Variants in PLOD1 observed in about 807,000 individuals in gnomAD.
PLOD1 encodes the protein lysine hydroxylase.
A neutral mutation model predicts 94.7 loss-of-function variants in PLOD1; 70 were observed. That is an observed-to-expected ratio of 0.74 (90% CI 0.61 to 0.90). PLOD1 has a LOEUF of 0.90. PLOD1 is among the 40% of genes least tolerant of loss of function. The pLI, the probability that PLOD1 is intolerant of heterozygous loss-of-function variation, is 0.00. For synonymous variants in PLOD1, 417 were observed against 400.2 expected (o/e 1.04, Z -0.50); for missense variants, 905 against 972.7 (o/e 0.93, Z 0.93).
chr1:11,952,560 G>GC, intron 4 of PLOD1, 63 bp from the exon 5 acceptor site: 1 of 1,135,192 alleles, frequency 8.8e-7, no homozygotes, highest in Non-Finnish European at 1.3e-6. Flanking sequence ...GTGGGAGGAG[G>GC]CCCCTGACTT....
chr1:11,961,681 C>T (rs914197004), intron 10 of PLOD1, among the ~76,000 whole-genome samples: 1 of 152,196 alleles, frequency 6.6e-6, no homozygotes, highest in Non-Finnish European at 1.5e-5. Context: ...AGGATCATAG[C>T]TTACTGTAGC....
chr1:11,963,966 T>A lies in PLOD1; in HGVS notation c.1203-209T>A, dbSNP rs1645797391. Among the ~76,000 whole-genome samples, 1 of 152,136 alleles carries A rather than the reference T, an allele frequency of 6.6e-6. No individual in the cohort carries two copies. Among genetic ancestry groups the A allele is most frequent in the Non-Finnish European group, 1.5e-5 (1 of 68,020 alleles). On this transcript the variant is annotated intron_variant, in intron 11 of 18. Coordinates refer to ENST00000196061, the MANE Select transcript of PLOD1 (RefSeq NM_000302.4). This position sits in a 1 kb window ranked among gnomAD's most constrained non-coding sequence, Gnocchi z 4.3. The stretch of plus-strand genomic sequence containing the variant: ...TTCTGATAGAGAAGGTGTCCTGCCC[T>A]GTCTGCTCCTGGCTGCCCCATGGGA...
At chr1:11,974,569 T>C in intron 18 of PLOD1, 84 bp from the exon 19 acceptor site, 1 of 1,379,432 alleles carries the variant, frequency 7.2e-7, no homozygotes, top group Non-Finnish European at 1.0e-6. Flanking sequence ...TGAGGGCCAC[T>C]TGGCCATGAC....
intron 16 of PLOD1, among the ~76,000 whole-genome samples, 183 bp from the exon 17 acceptor site, chr1:11,970,487 A>G (rs1248522511): frequency 6.6e-6 from 1 of 152,170 alleles, no homozygotes; most frequent in Non-Finnish European, 1.5e-5. Flanking sequence ...CCCCCCCAGG[A>G]TAATCTCCCT....
intron 16 of PLOD1, among the ~76,000 whole-genome samples, chr1:11,969,020 AT>A (rs936449431): frequency 0.031 from 3,682 of 118,814 alleles, 116 homozygotes; most frequent in African/African-American, 0.1. Flanking sequence ...ACCATGCCTA[AT>A]TTTTTTTTTT....
At chr1:11,964,038 C>G in intron 11 of PLOD1, 137 bp from the exon 12 acceptor site, 1 of 919,308 alleles carries the variant, frequency 1.1e-6, no homozygotes. Flanking sequence ...CCGGCCAAGG[C>G]ACTGCCTGTC....
Position 11,952,615 on chromosome 1 carries a change from A to G in PLOD1, c.467-8A>G. On this transcript the variant is annotated splice_polypyrimidine_tract_variant and splice_region_variant and intron_variant, in intron 4 of 18. Coordinates refer to ENST00000196061, the MANE Select transcript of PLOD1 (RefSeq NM_000302.4). ...TCCGTCTTGGTGTCCCCACCCACCA[A>G]CCTTCAGGCTTCATCGGTTATGCCC... The G allele has an allele frequency of 6.2e-7, 1 of 1,610,726 alleles. No homozygotes were observed. Among genetic ancestry groups the G allele is most frequent in the East Asian group, 2.2e-5 (1 of 44,846 alleles).
At chr1:11,949,997 AG>A in intron 3 of PLOD1, 91 bp downstream of exon 3, 1 of 1,338,158 alleles carries the variant, frequency 7.5e-7, no homozygotes, top group East Asian at 2.3e-5. Context: ...TCGGGGAAGA[AG>A]GGGGACCACT....
chr1:11,964,048 C>A, intron 11 of PLOD1, 127 bp from the exon 12 acceptor site: 1 of 988,918 alleles, frequency 1.0e-6, no homozygotes, highest in Non-Finnish European at 1.6e-6. Context: ...CACTGCCTGT[C>A]TCAGTGAGGT....
Position 11,956,867 on chromosome 1 carries a change from C to G in PLOD1, c.644-50C>G, listed in dbSNP as rs369586348. On this transcript the variant is annotated intron_variant, in intron 6 of 18. Transcript: ENST00000196061. ...TGAGCCCAGCTGGTTGGACCCTGAG[C>G]CTGACCTCTGGGTCTGATGCTGGGT... 4 of 1,285,404 alleles carry G rather than the reference C, an allele frequency of 3.1e-6. No homozygotes were observed. In the Admixed American group the frequency reaches 6.7e-5, roughly 22 times the overall value. 79.6% of individuals were successfully genotyped at this position (1,285,404 alleles called of 1,614,324 possible).
rs368337470 is a variant in PLOD1 at position 11,942,921 on chromosome 1, A to G, written c.77-5055A>G. Among the ~76,000 whole-genome samples the G allele has an allele frequency of 9.2e-5, 14 of 152,232 alleles. 1 individual carries two copies. Among genetic ancestry groups the G allele is most frequent in the East Asian group, 5.8e-4 (3 of 5,176 alleles). ...ACTGGACAATCACGTGGGATCCTCA[A>G]CCAGAGAGGCAGGCTCTGCGTGGCC... On this transcript the variant is annotated intron_variant, in intron 1 of 18. Coordinates refer to ENST00000196061, the MANE Select transcript of PLOD1 (RefSeq NM_000302.4).
chr1:11,947,842 G>A (rs1192529623), intron 1 of PLOD1, 134 bp from the exon 2 acceptor site: 7 of 695,654 alleles, frequency 1.0e-5, no homozygotes, highest in Non-Finnish European at 1.6e-5. Context: ...TTTCTTCCCT[G>A]GGCCCTGTTC....
In PLOD1 at chr1:11,972,789, G is replaced by A; in HGVS notation, c.1903-83G>A. The A allele has an allele frequency of 6.6e-7, 1 of 1,522,250 alleles. No homozygotes were observed. Among genetic ancestry groups the A allele is most frequent in the Non-Finnish European group, 9.1e-7 (1 of 1,097,800 alleles). The allele number at this position is 1,522,250 out of a possible 1,614,324, so 94.3% of individuals were successfully genotyped here. On this transcript the variant is annotated intron_variant, in intron 17 of 18. Coordinates refer to ENST00000196061, the MANE Select transcript of PLOD1 (RefSeq NM_000302.4). This position sits in a 1 kb window ranked among gnomAD's most constrained non-coding sequence, Gnocchi z 4.6. ...GCTGACCTGCAGCAGGCCAGACCAG[G>A]CCCCATGTGTGCACCCTCCTCTCCT...
Position 11,957,225 on chromosome 1 carries a change from A to C in PLOD1, c.741+211A>C, listed in dbSNP as rs1245937911. 1.3e-6 allele frequency: 1 copy of C among 744,808 alleles called. No homozygotes were observed. Among genetic ancestry groups the C allele is most frequent in the South Asian group, 1.4e-5 (1 of 73,464 alleles). 46.1% of individuals were successfully genotyped at this position (744,808 alleles called of 1,614,324 possible). A position where few individuals can be genotyped will look rare whatever the true frequency, so the allele number is the denominator to read the frequency against. On this transcript the variant is annotated intron_variant, in intron 7 of 18. Transcript: ENST00000196061. The surrounding 1 kb of genome is among the most constrained non-coding windows in gnomAD (Gnocchi z 4.1). ...GGTACTCTGTCTGTTCTTGCTGGTC[A>C]CAGGACACGTAGGAGGCTGCCATCC...
chr1:11,950,408 G>C lies in PLOD1; in HGVS notation c.354G>C (p.Arg118=), dbSNP rs746072884. Residue 118 remains arginine (R), a synonymous_variant, in exon 4 of 19, where the codon CGG becomes CGC. Transcript: ENST00000196061. ...CCCGGGAGCTCCTGAAGAAGTTCCG[G>C]CAGGCCAGGAGCCAGGTGGTCTTCT... The part of the protein sequence containing the change: ...SGPRELLKKF[R]QARSQVVFSA... 14 of 1,614,040 alleles carry C rather than the reference G, an allele frequency of 8.7e-6. No homozygotes were observed. The highest frequency in any genetic ancestry group is 1.2e-5 in the Non-Finnish European group (14 of 1,179,996).
intron 1 of PLOD1, among the ~76,000 whole-genome samples, chr1:11,937,199 C>T (rs1238366388): frequency 6.6e-6 from 1 of 152,164 alleles, no homozygotes; most frequent in African/African-American, 2.4e-5. Flanking sequence ...TGCCCAAGGC[C>T]CCACGTCTCC....
intron 1 of PLOD1, among the ~76,000 whole-genome samples, chr1:11,943,400 G>C (rs576038279): frequency 6.6e-6 from 1 of 151,434 alleles, no homozygotes; most frequent in Non-Finnish European, 1.5e-5. Flanking sequence ...GGGTTCAAGC[G>C]ATTCTCTTGC....
Position 11,957,864 on chromosome 1 carries a change from A to C in PLOD1, c.764A>C (p.Asn255Thr). 1 of 1,614,104 alleles carries C rather than the reference A, an allele frequency of 6.2e-7. No individual in the cohort carries two copies. Among genetic ancestry groups the C allele is most frequent in the Non-Finnish European group, 8.5e-7 (1 of 1,179,938 alleles). Residue 255 changes from asparagine (N) to threonine (T), a missense_variant, in exon 8 of 19, where the codon AAC (asparagine) becomes ACC (threonine). By Grantham distance (65) the Asn-to-Thr change is moderately conservative. Coordinates refer to ENST00000196061, the MANE Select transcript of PLOD1 (RefSeq NM_000302.4). This position sits in a 1 kb window ranked among gnomAD's most constrained non-coding sequence, Gnocchi z 4.1. ...CAGCTGCAGTTGAACTACCTGGGCA[A>C]CTACATCCCGCGCTTCTGGACCTTC... ...PTKLQLNYLG[N>T]YIPRFWTFET...
intron 15 of PLOD1, among the ~76,000 whole-genome samples, chr1:11,966,742 C>G (rs1645821345): frequency 6.6e-6 from 1 of 152,122 alleles, no homozygotes; most frequent in South Asian, 2.1e-4. Flanking sequence ...GGCCTCTGCC[C>G]CCTCCCTCCC....
Sources: gnomAD v4.1 joint callset for allele counts (sites outside exome capture counted in the v4.1 genomes callset) on GRCh38, gnomAD v4.1.1 for gene constraint, Gnocchi (gnomAD v3.1) non-coding constraint, MANE v1.5 for transcripts, NCBI Gene and HGNC (gene_info 2026-07-23, HGNC 2026-07-21) for gene names.